STEAP4: variants seen among roughly 807,000 people sequenced by gnomAD.
STEAP4 encodes the protein STEAP4 metalloreductase.
A neutral mutation model predicts 43.6 loss-of-function variants in STEAP4; 36 were observed. The ratio of observed to expected loss-of-function variants is 0.83; its 90% confidence interval spans 0.63 to 1.09. The LOEUF is 1.09. STEAP4 is among the 50% of genes least tolerant of loss of function. STEAP4 has a pLI of 0.00. For synonymous variants in STEAP4, 191 were observed against 196.7 expected, an observed-to-expected ratio of 0.97 and a Z score of 0.24; for missense variants, 495 against 546.5, an observed-to-expected ratio of 0.91 and a Z score of 0.94.
intron 1 of STEAP4, among the ~76,000 whole-genome samples, chr7:88,292,017 G>A (rs747390811): frequency 6.6e-6 from 1 of 152,110 alleles, no homozygotes; most frequent in African/African-American, 2.4e-5. Context: ...AATCAGTGAC[G>A]CAGATACAAA....
intron 1 of STEAP4, among the ~76,000 whole-genome samples, chr7:88,296,840 G>C (rs1852932310): frequency 6.6e-6 from 1 of 152,034 alleles, no homozygotes; most frequent in Non-Finnish European, 1.5e-5. Context: ...TTTATTGGCA[G>C]GTAGGTATTA....
In STEAP4 at chr7:88,282,974, A is replaced by G. The variant is rs1323989997; in HGVS notation, c.651T>C (p.Tyr217=). 1.9e-6 allele frequency: 3 copies of G among 1,613,516 alleles called. No homozygotes were observed. Among genetic ancestry groups the G allele is most frequent in the Non-Finnish European group, 2.5e-6 (3 of 1,179,742 alleles). The change falls in exon 3 of 5, where the codon TAT becomes TAC. Residue 217 remains tyrosine (Y), a synonymous_variant. Coordinates refer to ENST00000380079, the MANE Select transcript of STEAP4 (RefSeq NM_024636.4). ...SAVLCVFLFF[Y]CVIRDVIYPY... ...GGTAGATTACGTCTCTTATAACACA[A>G]TAGAAAAACAAGAAGACACACAGCA...
At chr7:88,296,128 T>G (rs1266015225) in intron 1 of STEAP4, among the ~76,000 whole-genome samples, 1 of 152,180 alleles carries the variant, frequency 6.6e-6, no homozygotes, top group Non-Finnish European at 1.5e-5. Context: ...GAAATTATAA[T>G]TTGATCAGAT....
At chr7:88,294,633 T>C (rs1340986635) in intron 1 of STEAP4, among the ~76,000 whole-genome samples, 2 of 152,146 alleles carry the variant, frequency 1.3e-5, no homozygotes, top group East Asian at 3.8e-4. Flanking sequence ...TGTTTCTCAT[T>C]TCTTTTAGTA....
intron 1 of STEAP4, among the ~76,000 whole-genome samples, chr7:88,285,731 T>C (rs1355826913): frequency 7.7e-6 from 1 of 129,038 alleles, no homozygotes. Flanking sequence ...CACTCCAGCC[T>C]GGGCGACAGA....
chr7:88,282,463 A>G (rs757593087), intron 3 of STEAP4, 178 bp downstream of exon 3: 65 of 686,682 alleles, frequency 9.5e-5, no homozygotes, highest in Non-Finnish European at 1.3e-4. Flanking sequence ...TATTCTTAAT[A>G]GTTGTATGAG....
chr7:88,302,423 G>C (rs1406663798), intron 1 of STEAP4, among the ~76,000 whole-genome samples: 2 of 152,206 alleles, frequency 1.3e-5, no homozygotes, highest in Admixed American at 1.3e-4. Context: ...GGAGGGACTT[G>C]AATCTGCCAG....
intron 1 of STEAP4, among the ~76,000 whole-genome samples, chr7:88,304,644 G>GTA (rs1182968607): frequency 1.3e-5 from 2 of 151,468 alleles, no homozygotes; most frequent in African/African-American, 4.8e-5. Context: ...CTGCTGTTGT[G>GTA]TGTGTGTGTG....
intron 1 of STEAP4, among the ~76,000 whole-genome samples, chr7:88,300,010 G>A (rs1362054127): frequency 6.6e-6 from 1 of 152,172 alleles, no homozygotes; most frequent in Non-Finnish European, 1.5e-5. Flanking sequence ...TGCCTCTGAT[G>A]TTTGCTGAGA....
chr7:88,303,411 G>T (rs537294510), intron 1 of STEAP4, among the ~76,000 whole-genome samples: 53 of 150,964 alleles, frequency 3.5e-4, no homozygotes, highest in African/African-American at 1.2e-3. Flanking sequence ...CAGGAGAACT[G>T]CTTGAACCCA....
At chr7:88,293,283 T>C (rs888891114) in intron 1 of STEAP4, among the ~76,000 whole-genome samples, 25 of 152,204 alleles carry the variant, frequency 1.6e-4, no homozygotes, top group African/African-American at 6.0e-4. Context: ...TCATGTATTT[T>C]GCTTATTTTC....
At chr7:88,280,240 C>T (rs1382408029) in intron 4 of STEAP4, among the ~76,000 whole-genome samples, 2 of 152,192 alleles carry the variant, frequency 1.3e-5, no homozygotes, top group Admixed American at 1.3e-4. Flanking sequence ...ATTTTAAAGA[C>T]TAATGCTCTT....
chr7:88,297,941 G>A (rs1018985780), intron 1 of STEAP4, among the ~76,000 whole-genome samples: 6 of 151,902 alleles, frequency 3.9e-5, no homozygotes, highest in Admixed American at 1.3e-4. Flanking sequence ...CTTACAGTTG[G>A]GCAAAATCAT....
chr7:88,295,600 G>A (rs1316474951), intron 1 of STEAP4, among the ~76,000 whole-genome samples: 4 of 152,064 alleles, frequency 2.6e-5, no homozygotes, highest in African/African-American at 9.7e-5. Context: ...CTGCTACTGC[G>A]GTTCTTCTTC....
At position 88,283,053 on chromosome 7, in the gene STEAP4, T is replaced by G; in HGVS notation, c.572A>C (p.Lys191Thr). ...GSLMAAKEIE[K>T]YPLQLFPMWR... ...CATTGGAAATAGCTGCAGGGGGTAC[T>G]TTTCAATTTCTTTGGCTGCCATGAG... Residue 191 changes from lysine to threonine, a missense_variant, in exon 3 of 5, where the codon AAG (lysine) becomes ACG (threonine). Lys to Thr is a moderately conservative substitution (Grantham distance 78). Coordinates refer to ENST00000380079, the MANE Select transcript of STEAP4 (RefSeq NM_024636.4). The G allele has an allele frequency of 6.2e-7, 1 of 1,613,670 alleles. No individual in the cohort carries two copies.
chr7:88,289,706 T>A (rs138127381), intron 1 of STEAP4, among the ~76,000 whole-genome samples: 1 of 152,334 alleles, frequency 6.6e-6, no homozygotes, highest in African/African-American at 2.4e-5. Context: ...TCTGAATCAT[T>A]TTATAAACAA....
chr7:88,285,512 T>C (rs925728471), intron 1 of STEAP4, among the ~76,000 whole-genome samples: 1 of 151,812 alleles, frequency 6.6e-6, no homozygotes, highest in Non-Finnish European at 1.5e-5. Flanking sequence ...TGTGGTACTA[T>C]CAAAGAAATG....
chr7:88,279,288 A>G lies in STEAP4; in HGVS notation c.*110T>C, dbSNP rs975943688. 1.0e-6 allele frequency: 1 copy of G among 997,724 alleles called. No individual in the cohort carries two copies. Among genetic ancestry groups the G allele is most frequent in the Non-Finnish European group, 1.5e-6 (1 of 679,822 alleles). 61.8% of individuals were successfully genotyped at this position (997,724 alleles called of 1,614,324 possible). A position where few individuals can be genotyped will look rare whatever the true frequency, so the allele number is the denominator to read the frequency against. ...CCCTCAGTCACGGTGTAAGAAAAAAACTTTCCTAACTGTACCCATCATTCT... is the reference window on the plus strand; with the variant it reads ...CCCTCAGTCACGGTGTAAGAAAAAAGCTTTCCTAACTGTACCCATCATTCT... On this transcript the variant is annotated 3_prime_UTR_variant, in exon 5 of 5. Transcript: ENST00000380079.
Position 88,272,651 on chromosome 7 carries a change from G to A in STEAP4, c.*6747C>T, listed in dbSNP as rs1054360510. On this transcript the variant is annotated 3_prime_UTR_variant, in exon 5 of 5. Coordinates refer to ENST00000380079, the MANE Select transcript of STEAP4 (RefSeq NM_024636.4). ...AATTTGATGTTGCCATCACATTTAA[G>A]GGTGTGATTTTGTGTTTTACAGACA... 6.6e-6 allele frequency: 1 copy of A among 152,142 alleles called. No homozygotes were observed. Among genetic ancestry groups the A allele is most frequent in the Non-Finnish European group, 1.5e-5 (1 of 68,040 alleles). 9.4% of individuals were successfully genotyped at this position (152,142 alleles called of 1,614,324 possible). A position where few individuals can be genotyped will look rare whatever the true frequency, so the allele number is the denominator to read the frequency against.
Sources: gnomAD v4.1 joint callset for allele counts (sites outside exome capture counted in the v4.1 genomes callset) on GRCh38, gnomAD v4.1.1 for gene constraint, MANE v1.5 for transcripts, NCBI Gene and HGNC (gene_info 2026-07-23, HGNC 2026-07-21) for gene names.